The following ACACA variants were observed in gnomAD, a reference collection of about 807,000 sequenced individuals.
ACACA encodes acetyl-CoA carboxylase 1.
A neutral mutation model predicts 296.1 loss-of-function variants in ACACA; 103 were observed. The ratio of observed to expected loss-of-function variants is 0.35; its 90% CI spans 0.30 to 0.41. The LOEUF is 0.41. Among genes scored for constraint, ACACA ranks in the 10% least tolerant of loss-of-function variants. ACACA has a pLI of 1.00. For synonymous variants in ACACA, 953 were observed against 1,038.6 expected (o/e 0.92, Z 1.58); for missense variants, 1,554 against 2,989.7 (o/e 0.52, Z 11.20).
chr17:37,168,540 G>A (rs2076768804), intron 41 of ACACA, among the ~76,000 whole-genome samples: 1 of 151,454 alleles, frequency 6.6e-6, no homozygotes, highest in South Asian at 2.1e-4. Flanking sequence ...AAAAATTTAA[G>A]GGGGGAAAAA....
At chr17:37,293,409 C>T (rs1248992626) in intron 3 of ACACA, among the ~76,000 whole-genome samples, 1 of 152,086 alleles carries the variant, frequency 6.6e-6, no homozygotes. Flanking sequence ...AAATCCTGAA[C>T]CATCAGAGAT....
rs1241962013 is a variant in ACACA, at chr17:37,184,911, A to G, written c.4776+3366T>C. Among the ~76,000 whole-genome samples, 5 of 152,148 alleles carry G rather than the reference A, an allele frequency of 3.3e-5. No individual in the cohort carries two copies. The East Asian group carries it at 9.6e-4, about 29-fold the overall frequency. ...TCCAAAAATGAAAAGGAACATACAC[A>G]TAATCTATGCAACATGGCTGAACCT... On this transcript the variant is annotated intron_variant, in intron 39 of 55. Transcript: ENST00000616317.
chr17:37,248,149 C>A lies in ACACA; in HGVS notation c.2171G>T (p.Arg724Leu), dbSNP rs1017086449. ...EGVKYVLKVTRQSPNSYVVIM... is the reference protein window; with the variant it reads ...EGVKYVLKVTLQSPNSYVVIM... ...CACCACATAGGAGTTGGGGGACTGT[C>A]GAGTCACCTGTAGGGAATGAGAATG... is the stretch of plus-strand genomic sequence containing the variant. The change falls in exon 18 of 56, where the codon CGA (arginine) becomes CTA (leucine). Residue 724 changes from arginine (R) to leucine (L), a missense_variant. Physicochemically the swap from Arg to Leu is moderately radical, Grantham distance 102. This residue lies in a region of ACACA where 316 missense variants were observed against 540.9 expected (regional missense o/e 0.58). Transcript: ENST00000616317. The A allele has an allele frequency of 1.9e-6, 3 of 1,614,068 alleles. No individual in the cohort carries two copies. Among genetic ancestry groups the A allele is most frequent in the Non-Finnish European group, 2.5e-6 (3 of 1,179,990 alleles).
intron 3 of ACACA, among the ~76,000 whole-genome samples, chr17:37,302,201 T>C (rs1160596084): frequency 6.7e-6 from 1 of 149,070 alleles, no homozygotes; most frequent in South Asian, 2.1e-4. Context: ...GGTCTGGAAC[T>C]CTTTTTTTTT....
At chr17:37,373,166 A>C (rs2049867236) in intron 1 of ACACA, among the ~76,000 whole-genome samples, 1 of 152,124 alleles carries the variant, frequency 6.6e-6, no homozygotes, top group African/African-American at 2.4e-5. Flanking sequence ...GGCGTGAGCC[A>C]CGGTGCCCGG....
intron 1 of ACACA, among the ~76,000 whole-genome samples, chr17:37,385,144 C>A (rs2050469810): frequency 6.6e-6 from 1 of 152,082 alleles, no homozygotes; most frequent in Non-Finnish European, 1.5e-5. Context: ...CCCACCCCAA[C>A]CCATTCCCCA....
Position 37,246,956 on chromosome 17 carries a change from T to C in ACACA, c.2330A>G (p.Asn777Ser). 6.2e-7 allele frequency: 1 copy of C among 1,614,126 alleles called. No homozygotes were observed. Among genetic ancestry groups the C allele is most frequent in the Non-Finnish European group, 8.5e-7 (1 of 1,180,016 alleles). ...EVDRYRITIGNKTCVFEKEND... is the reference protein window; with the variant it reads ...EVDRYRITIGSKTCVFEKEND... Reference sequence around the variant, plus strand: ...TTCCTTCTCAAACACACAGGTTTTATTGCCAATTGTGATGCGATATCTAGG... The same window carrying C: ...TTCCTTCTCAAACACACAGGTTTTACTGCCAATTGTGATGCGATATCTAGG... The change falls in exon 19 of 56, where the codon AAT (asparagine) becomes AGT (serine). Residue 777 changes from asparagine to serine, a missense_variant. Around this residue, in one of 16 missense-constraint regions of ACACA, gnomAD observed 316 missense variants for 540.9 expected, o/e 0.58. Coordinates refer to ENST00000616317, the MANE Select transcript of ACACA (RefSeq NM_198834.3).
intron 29 of ACACA, chr17:37,221,452 T>C (rs1305156679): frequency 6.6e-6 from 3 of 452,374 alleles, no homozygotes; most frequent in Non-Finnish European, 1.1e-5. Flanking sequence ...AAATTCTTTC[T>C]AATTTTTTAA....
At chr17:37,135,083 C>T (rs541509516) in intron 45 of ACACA, among the ~76,000 whole-genome samples, 75 of 152,260 alleles carry the variant, frequency 4.9e-4, no homozygotes, top group African/African-American at 1.7e-3. Context: ...CAGCTAATAT[C>T]CTCCTCCCTG....
Position 37,225,113 on chromosome 17 carries a change from G to T in ACACA, c.3361-8C>A. On this transcript the variant is annotated splice_polypyrimidine_tract_variant and splice_region_variant and intron_variant, in intron 26 of 55. Coordinates refer to ENST00000616317, the MANE Select transcript of ACACA (RefSeq NM_198834.3). Reference sequence around the variant, plus strand: ...ATGGGAGGCAATAAGAACCTAGAGTGAGAACAAAATAGGAGGCACACATTC... The same window carrying T: ...ATGGGAGGCAATAAGAACCTAGAGTTAGAACAAAATAGGAGGCACACATTC... 2 of 1,539,904 alleles carry T rather than the reference G, an allele frequency of 1.3e-6. No individual in the cohort carries two copies. Among genetic ancestry groups the T allele is most frequent in the Non-Finnish European group, 1.8e-6 (2 of 1,112,768 alleles).
At chr17:37,099,231 A>G (rs370867852) in intron 52 of ACACA, among the ~76,000 whole-genome samples, 2 of 152,146 alleles carry the variant, frequency 1.3e-5, no homozygotes, top group East Asian at 1.9e-4. Context: ...CTTAAGTTTC[A>G]TTTTTATTAG....
At chr17:37,289,625 C>T (rs1281407087) in intron 3 of ACACA, 1 of 620,464 alleles carries the variant, frequency 1.6e-6, no homozygotes, top group Non-Finnish European at 2.8e-6. Context: ...AGATACCTAA[C>T]CAATACCATG....
At chr17:37,308,865 A>G (rs1355912826) in intron 3 of ACACA, among the ~76,000 whole-genome samples, 1 of 152,210 alleles carries the variant, frequency 6.6e-6, no homozygotes, top group Non-Finnish European at 1.5e-5. Flanking sequence ...TGAACCTGAG[A>G]GGCGGAGGTT....
chr17:37,322,262 G>A (rs1005195004), intron 3 of ACACA, among the ~76,000 whole-genome samples: 1 of 152,180 alleles, frequency 6.6e-6, no homozygotes, highest in Non-Finnish European at 1.5e-5. Context: ...GAACCCCAGT[G>A]ATAGACATCT....
chr17:37,232,251 A>G (rs991772967), intron 25 of ACACA, among the ~76,000 whole-genome samples: 4 of 152,206 alleles, frequency 2.6e-5, no homozygotes, highest in Non-Finnish European at 5.9e-5. Context: ...AGCTCAGCAA[A>G]GCATACTATC....
At position 37,270,840 on chromosome 17, in the gene ACACA, G is replaced by T. The variant is rs368549989; in HGVS notation, c.1030C>A (p.Pro344Thr). ...CCCTCTGAGGCCTTGATCATTACTG[G>T]ATATCCAACTTCCTCAGCTGCCTTC... ...GLQAAEEVGY[P>T]VMIKASEGGG... Residue 344 changes from proline to threonine, a missense_variant, in exon 10 of 56, where the codon CCA becomes ACA. Coordinates refer to ENST00000616317, the MANE Select transcript of ACACA (RefSeq NM_198834.3). 1 of 1,612,814 alleles carries T rather than the reference G, an allele frequency of 6.2e-7. No individual in the cohort carries two copies. The highest frequency in any genetic ancestry group is 8.5e-7 in the Non-Finnish European group (1 of 1,179,674).
chr17:37,168,542 G>A (rs2076769247), intron 41 of ACACA, among the ~76,000 whole-genome samples: 1 of 151,472 alleles, frequency 6.6e-6, no homozygotes, highest in African/African-American at 2.4e-5. Context: ...AAATTTAAGG[G>A]GGGAAAAAAA....
rs559432493 is a variant in ACACA at position 37,276,907 on chromosome 17, T to G, written c.802+126A>C. On this transcript the variant is annotated intron_variant, in intron 7 of 55. Transcript: ENST00000616317. Reference sequence around the variant, plus strand: ...GGTTACTCTGAGAGTTAGTAATAGATTGAGGGAAAAAAAAAGAGAGAGAGA... The same window carrying G: ...GGTTACTCTGAGAGTTAGTAATAGAGTGAGGGAAAAAAAAAGAGAGAGAGA... 56 of 839,574 alleles carry G rather than the reference T, an allele frequency of 6.7e-5. 1 individual carries two copies. In the South Asian group the frequency reaches 7.4e-4, roughly 11 times the overall value. 52.0% of individuals were successfully genotyped at this position (839,574 alleles called of 1,614,324 possible).
intron 45 of ACACA, among the ~76,000 whole-genome samples, chr17:37,148,744 T>G (rs1220436201): frequency 6.6e-6 from 1 of 152,178 alleles, no homozygotes; most frequent in Non-Finnish European, 1.5e-5. Flanking sequence ...GTACTCTTTT[T>G]TTTTTTAAGA....
Sources: allele counts gnomAD v4.1 joint callset (sites outside exome capture counted in the v4.1 genomes callset), GRCh38; gene constraint gnomAD v4.1.1; regional missense constraint gnomAD v4.1.1; transcripts MANE v1.5; gene names NCBI Gene and HGNC (gene_info 2026-07-23, HGNC 2026-07-21).